The following SYNPR variants were observed in gnomAD, a reference collection of about 807,000 sequenced individuals.
The protein encoded by SYNPR is synaptoporin.
A neutral mutation model predicts 32.9 loss-of-function variants in SYNPR; 23 were observed. The ratio of observed to expected loss-of-function variants is 0.70; its 90% CI spans 0.50 to 0.99. SYNPR has a LOEUF of 0.99. Among genes scored for constraint, SYNPR ranks in the 50% least tolerant of loss-of-function variants. The pLI, the probability that SYNPR is intolerant of heterozygous loss-of-function variation, is 0.00. For synonymous variants in SYNPR, 146 were observed against 135.9 expected, an observed-to-expected ratio of 1.07 and a Z score of -0.52; for missense variants, 318 against 349.3, an observed-to-expected ratio of 0.91 and a Z score of 0.71.
At chr3:63,500,504 A>G (rs1013791769) in intron 3 of SYNPR, among the ~76,000 whole-genome samples, 3 of 152,212 alleles carry the variant, frequency 2.0e-5, no homozygotes, top group Non-Finnish European at 2.9e-5. Context: ...CAAACAAACC[A>G]AAGTGTGTCA....
chr3:63,481,747 C>G (rs1017967666), intron 3 of SYNPR, among the ~76,000 whole-genome samples: 3 of 152,106 alleles, frequency 2.0e-5, no homozygotes, highest in African/African-American at 7.2e-5. Context: ...TGCATGACTT[C>G]TGAAAGCTCT....
intron 2 of SYNPR, among the ~76,000 whole-genome samples, chr3:63,433,623 A>T (rs1228581923): frequency 2.0e-5 from 3 of 152,172 alleles, no homozygotes; most frequent in African/African-American, 7.2e-5. Flanking sequence ...GTACTTTCGC[A>T]TGAGCTGCTT....
chr3:63,300,904 T>G (rs2086838974), intron 2 of SYNPR, among the ~76,000 whole-genome samples: 1 of 152,060 alleles, frequency 6.6e-6, no homozygotes, highest in Non-Finnish European at 1.5e-5. Flanking sequence ...TTCTAGACAA[T>G]CTGATCAAAG....
intron 3 of SYNPR, among the ~76,000 whole-genome samples, chr3:63,522,166 G>A (rs1701929081): frequency 6.6e-6 from 1 of 152,196 alleles, no homozygotes; most frequent in Non-Finnish European, 1.5e-5. Flanking sequence ...GCACAGATGA[G>A]CACAGCAGAA....
intron 2 of SYNPR, among the ~76,000 whole-genome samples, chr3:63,369,735 C>G (rs1362136085): frequency 6.6e-6 from 1 of 152,140 alleles, no homozygotes; most frequent in Non-Finnish European, 1.5e-5. Flanking sequence ...TCAAAGCCTT[C>G]CATGTCATTA....
chr3:63,263,654 T>G (rs908029837), intron 2 of SYNPR, among the ~76,000 whole-genome samples: 2 of 152,192 alleles, frequency 1.3e-5, no homozygotes, highest in African/African-American at 4.8e-5. Flanking sequence ...TGGTGCTGGC[T>G]GCCAGCCAGT....
intron 4 of SYNPR, among the ~76,000 whole-genome samples, chr3:63,606,632 T>C (rs956493825): frequency 3.9e-5 from 6 of 152,008 alleles, no homozygotes; most frequent in African/African-American, 1.4e-4. Context: ...AGTCTCACTG[T>C]GTTGCCTAGG....
chr3:63,595,452 G>C (rs1004925577), intron 4 of SYNPR, among the ~76,000 whole-genome samples: 1 of 151,368 alleles, frequency 6.6e-6, no homozygotes, highest in Non-Finnish European at 1.5e-5. Context: ...AAAGTCTAGG[G>C]GATTAGTGGG....
chr3:63,603,056 T>C (rs1224224383), intron 4 of SYNPR, among the ~76,000 whole-genome samples: 1 of 152,164 alleles, frequency 6.6e-6, no homozygotes, highest in East Asian at 1.9e-4. Flanking sequence ...TAGAGATTTT[T>C]CATCTCCCTG....
intron 2 of SYNPR, among the ~76,000 whole-genome samples, chr3:63,465,334 C>G (rs1700656637): frequency 6.6e-6 from 1 of 151,908 alleles, no homozygotes; most frequent in South Asian, 2.1e-4. Context: ...CTTCTACATC[C>G]TACAATAGTA....
chr3:63,240,330 C>T (rs1289901004), intron 1 of SYNPR, among the ~76,000 whole-genome samples: 3 of 152,088 alleles, frequency 2.0e-5, no homozygotes, highest in Non-Finnish European at 4.4e-5. Flanking sequence ...CCCATTTTAA[C>T]AGGGCACTTG....
chr3:63,345,747 T>C (rs901353255), intron 2 of SYNPR, among the ~76,000 whole-genome samples: 1 of 152,172 alleles, frequency 6.6e-6, no homozygotes, highest in Non-Finnish European at 1.5e-5. Flanking sequence ...CAAATTTATA[T>C]ATATTTAAAG....
chr3:63,449,252 A>G (rs1700336424), intron 2 of SYNPR, among the ~76,000 whole-genome samples: 1 of 152,000 alleles, frequency 6.6e-6, no homozygotes, highest in Non-Finnish European at 1.5e-5. Context: ...GTATTCACTC[A>G]CTCATCTATC....
chr3:63,341,734 T>G (rs971016725), intron 2 of SYNPR, among the ~76,000 whole-genome samples: 20 of 152,256 alleles, frequency 1.3e-4, no homozygotes, highest in African/African-American at 2.7e-4. Context: ...TTATGTATCT[T>G]GGATACAAGT....
chr3:63,402,444 T>C (rs551587989), intron 2 of SYNPR, among the ~76,000 whole-genome samples: 3 of 152,360 alleles, frequency 2.0e-5, no homozygotes, highest in African/African-American at 7.2e-5. Context: ...AAAAGCAAGT[T>C]AGTATTTTAT....
intron 2 of SYNPR, among the ~76,000 whole-genome samples, chr3:63,320,859 G>T (rs1225514305): frequency 6.6e-6 from 1 of 152,064 alleles, no homozygotes; most frequent in African/African-American, 2.4e-5. Flanking sequence ...TCTGTGAAAT[G>T]AAGTTACACT....
At chr3:63,463,270 A>C (rs1700619798) in intron 2 of SYNPR, among the ~76,000 whole-genome samples, 1 of 152,174 alleles carries the variant, frequency 6.6e-6, no homozygotes, top group South Asian at 2.1e-4. Context: ...AGACTGGCTC[A>C]AAAAATCCAG....
At chr3:63,542,605 C>T (rs1702326421) in intron 3 of SYNPR, among the ~76,000 whole-genome samples, 1 of 152,074 alleles carries the variant, frequency 6.6e-6, no homozygotes, top group South Asian at 2.1e-4. Context: ...TAACTTTAGA[C>T]AGGGCTCCTC....
At chr3:63,604,872 A>G in intron 4 of SYNPR, among the ~76,000 whole-genome samples, 1 of 152,230 alleles carries the variant, frequency 6.6e-6, no homozygotes, top group Non-Finnish European at 1.5e-5. Context: ...ATTTGCTCTA[A>G]TTATAAAATG....
Sources: gnomAD v4.1 joint callset for allele counts (sites outside exome capture counted in the v4.1 genomes callset) on GRCh38, gnomAD v4.1.1 for gene constraint, MANE v1.5 for transcripts, NCBI Gene and HGNC (gene_info 2026-07-23, HGNC 2026-07-21) for gene names.